RGS7BP: variants seen among roughly 807,000 people sequenced by gnomAD.
RGS7BP encodes the protein regulator of G protein signaling 7 binding protein.
In RGS7BP, 9 loss-of-function variants were observed where a neutral mutation model predicts 31.3. The observed-to-expected ratio is 0.29, with a 90% CI of 0.17 to 0.50. RGS7BP has a LOEUF of 0.50. Among genes scored for constraint, RGS7BP ranks in the 20% least tolerant of loss-of-function variants. The pLI is 0.98. For missense variants in RGS7BP, 274 were observed against 322.0 expected (o/e 0.85, Z 1.14); for synonymous variants, 115 against 120.1 (o/e 0.96, Z 0.28).
intron 4 of RGS7BP, among the ~76,000 whole-genome samples, chr5:64,597,255 C>A (rs891708132): frequency 6.6e-6 from 1 of 152,070 alleles, no homozygotes; most frequent in African/African-American, 2.4e-5. Flanking sequence ...CCTGAGATGG[C>A]TTCCTGCTTT....
intron 4 of RGS7BP, among the ~76,000 whole-genome samples, chr5:64,597,156 T>C (rs781110245): frequency 6.6e-6 from 1 of 152,132 alleles, no homozygotes; most frequent in South Asian, 2.1e-4. Context: ...GAGCACTTTC[T>C]CCAATGCACA....
At chr5:64,556,960 T>C (rs1305116014) in intron 2 of RGS7BP, among the ~76,000 whole-genome samples, 4 of 152,142 alleles carry the variant, frequency 2.6e-5, no homozygotes, top group African/African-American at 7.2e-5. Context: ...TAATTCTTAC[T>C]AGAGGGAAAT....
At chr5:64,582,514 A>G (rs943164847) in intron 3 of RGS7BP, among the ~76,000 whole-genome samples, 2 of 152,186 alleles carry the variant, frequency 1.3e-5, no homozygotes, top group Admixed American at 6.5e-5. Context: ...CATAGCTTAC[A>G]GCAAAATTGT....
intron 2 of RGS7BP, among the ~76,000 whole-genome samples, chr5:64,551,310 T>G (rs535489224): frequency 6.3e-4 from 95 of 151,122 alleles, no homozygotes; most frequent in Non-Finnish European, 4.3e-4. Flanking sequence ...TCTCCCAGCC[T>G]GGAGTGCAGT....
intron 2 of RGS7BP, among the ~76,000 whole-genome samples, chr5:64,565,073 A>G (rs924960910): frequency 3.9e-5 from 6 of 152,260 alleles, no homozygotes; most frequent in African/African-American, 1.4e-4. Context: ...AGTAAAGAAG[A>G]AACTTGGACA....
At chr5:64,562,158 A>C (rs1021934598) in intron 2 of RGS7BP, among the ~76,000 whole-genome samples, 2 of 152,180 alleles carry the variant, frequency 1.3e-5, no homozygotes, top group African/African-American at 4.8e-5. Context: ...GGGAGTCTTC[A>C]TGAACTCTTA....
intron 3 of RGS7BP, among the ~76,000 whole-genome samples, chr5:64,576,881 G>GTTTTTGTGT (rs1742446602): frequency 6.6e-6 from 1 of 152,152 alleles, no homozygotes; most frequent in Admixed American, 6.5e-5. Context: ...AGAATACAGT[G>GTTTTTGTGT]TTTTTGTGCT....
chr5:64,555,045 C>T (rs1239580972), intron 2 of RGS7BP, among the ~76,000 whole-genome samples: 1 of 151,610 alleles, frequency 6.6e-6, no homozygotes, highest in East Asian at 1.9e-4. Flanking sequence ...GACATGAAGA[C>T]CAGAATGAGA....
chr5:64,550,783 A>G (rs945329533), intron 2 of RGS7BP, among the ~76,000 whole-genome samples: 1 of 124,056 alleles, frequency 8.1e-6, no homozygotes, highest in Non-Finnish European at 1.6e-5. Flanking sequence ...TCCTGTGTCC[A>G]TGTGTTCTCA....
intron 2 of RGS7BP, among the ~76,000 whole-genome samples, chr5:64,566,892 G>C (rs775098354): frequency 5.9e-5 from 9 of 152,086 alleles, no homozygotes; most frequent in Middle Eastern, 3.4e-3. Flanking sequence ...GGCCTGTGTG[G>C]TCCATGTTTG....
chr5:64,609,230 T>C lies in RGS7BP; in HGVS notation c.752T>C (p.Leu251Pro), dbSNP rs1455950352. The change falls in exon 6 of 6, where the codon CTG becomes CCG. Residue 251 changes from leucine to proline, a missense_variant. Physicochemically the swap from Leu to Pro is moderately conservative, Grantham distance 98. This residue lies in a region of RGS7BP where 112 missense variants were observed against 130.9 expected (regional missense o/e 0.86). Coordinates refer to ENST00000334025, the MANE Select transcript of RGS7BP (RefSeq NM_001029875.3). ...AGACGGAAGAGAAGGTTCTTTGGGC[T>C]GTGTTGTCTCATCTCAAGCTAGGTG... ...VRRRKRRFFGLCCLISS is the reference protein window; with the variant it reads ...VRRRKRRFFGPCCLISS The C allele has an allele frequency of 3.7e-6, 6 of 1,608,830 alleles. No homozygotes were observed. Among genetic ancestry groups the C allele is most frequent in the Non-Finnish European group, 8.5e-7 (1 of 1,175,512 alleles).
chr5:64,581,545 G>C (rs1273890515), intron 3 of RGS7BP, among the ~76,000 whole-genome samples: 4 of 152,224 alleles, frequency 2.6e-5, no homozygotes, highest in African/African-American at 9.6e-5. Flanking sequence ...CAGGACATGA[G>C]TTTACTCTTT....
At chr5:64,601,529 G>A (rs189524461) in intron 5 of RGS7BP, 69 of 703,356 alleles carry the variant, frequency 9.8e-5, no homozygotes, top group African/African-American at 9.7e-4. Context: ...TTTCTTTCCC[G>A]TCCATCCAGT....
At chr5:64,593,935 T>C (rs2111956108) in intron 3 of RGS7BP, among the ~76,000 whole-genome samples, 1 of 152,340 alleles carries the variant, frequency 6.6e-6, no homozygotes, top group South Asian at 2.1e-4. Context: ...GCCTAGGCCA[T>C]ACGACATAAC....
At chr5:64,559,591 T>C (rs752093187) in intron 2 of RGS7BP, among the ~76,000 whole-genome samples, 5 of 151,884 alleles carry the variant, frequency 3.3e-5, no homozygotes, top group African/African-American at 1.2e-4. Context: ...GCCAATGTTA[T>C]AGACAGAAAA....
At chr5:64,575,129 A>G (rs910586094) in intron 2 of RGS7BP, among the ~76,000 whole-genome samples, 1 of 152,180 alleles carries the variant, frequency 6.6e-6, no homozygotes, top group Non-Finnish European at 1.5e-5. Flanking sequence ...GGACTTTAGA[A>G]TAAATTTTAG....
chr5:64,608,341 G>A (rs1489450801), intron 5 of RGS7BP, among the ~76,000 whole-genome samples: 1 of 151,866 alleles, frequency 6.6e-6, no homozygotes, highest in Non-Finnish European at 1.5e-5. Flanking sequence ...TAGATTTACT[G>A]GTTTATTTCT....
chr5:64,584,448 A>G (rs929757750), intron 3 of RGS7BP, among the ~76,000 whole-genome samples: 1 of 152,250 alleles, frequency 6.6e-6, no homozygotes, highest in Admixed American at 6.5e-5. Context: ...TAGCCCTGAC[A>G]CCCAGTATGG....
At chr5:64,597,624 G>A (rs79037406) in intron 4 of RGS7BP, among the ~76,000 whole-genome samples, 2 of 151,534 alleles carry the variant, frequency 1.3e-5, no homozygotes, top group African/African-American at 4.8e-5. Flanking sequence ...TGGAATTGGA[G>A]GCCATTGTCT....
Sources: gnomAD v4.1 joint callset for allele counts (sites outside exome capture counted in the v4.1 genomes callset) on GRCh38, gnomAD v4.1.1 for gene constraint, gnomAD v4.1.1 regional missense constraint, MANE v1.5 for transcripts, NCBI Gene and HGNC (gene_info 2026-07-23, HGNC 2026-07-21) for gene names.